HKDC1: variants seen among roughly 807,000 people sequenced by gnomAD.
HKDC1 encodes hexokinase domain containing 1.
HKDC1 carries 66 observed loss-of-function variants against 96.6 expected under a neutral mutation model. The observed-to-expected ratio is 0.68, with a 90% CI of 0.56 to 0.84. The LOEUF is 0.84. HKDC1 is among the 40% of genes least tolerant of loss of function. The probability of loss-of-function intolerance (pLI) is 0.00; values close to 1 mark genes in which losing one functional copy is unlikely to be tolerated. For synonymous variants in HKDC1, 466 were observed against 473.1 expected (o/e 0.98, Z 0.20); for missense variants, 1,211 against 1,208.1 (o/e 1.00, Z -0.04).
intron 4 of HKDC1, among the ~76,000 whole-genome samples, chr10:69,237,265 A>G (rs1202857667): frequency 1.4e-5 from 2 of 146,758 alleles, no homozygotes; most frequent in African/African-American, 2.5e-5. Context: ...TCTTAACCAA[A>G]GAGAAATTTC....
chr10:69,232,059 T>C (rs1030390044), intron 2 of HKDC1, among the ~76,000 whole-genome samples: 2 of 152,220 alleles, frequency 1.3e-5, no homozygotes, highest in Admixed American at 6.5e-5. Flanking sequence ...GCCAGGCTGT[T>C]CTTGAACTGC....
chr10:69,257,199 C>G, intron 13 of HKDC1, 68 bp downstream of exon 13: 1 of 1,478,058 alleles, frequency 6.8e-7, no homozygotes, highest in Non-Finnish European at 9.5e-7. Context: ...CTCTGCCATC[C>G]TCTGCCCAGT....
chr10:69,257,667 C>A (rs549439121), intron 14 of HKDC1, among the ~76,000 whole-genome samples: 2 of 149,348 alleles, frequency 1.3e-5, no homozygotes, highest in South Asian at 2.1e-4. Context: ...TAAATAAGGA[C>A]CTTGGGGCCA....
rs750651699 is a variant in HKDC1, at chr10:69,227,376, G to A, written c.226+7G>A. 1 of 1,614,096 alleles carries A rather than the reference G, an allele frequency of 6.2e-7. No homozygotes were observed. Among genetic ancestry groups the A allele is most frequent in the South Asian group, 1.1e-5 (1 of 91,084 alleles). On this transcript the variant is annotated splice_region_variant and intron_variant, in intron 2 of 17. Transcript: ENST00000354624. ...GCCATTCCCGATGGTTCCGGTGAGT[G>A]CAGTTGTCCGCTGCCAGGGTCCCTG...
rs541801620 is a variant in HKDC1, at chr10:69,267,079, C to T, written c.*322C>T. The T allele has an allele frequency of 2.5e-5, 6 of 235,628 alleles. No homozygotes were observed. The highest frequency in any genetic ancestry group is 4.6e-5 in the African/African-American group (2 of 43,796). The allele number at this position is 235,628 out of a possible 1,614,324, so 14.6% of individuals were successfully genotyped here. The stretch of plus-strand genomic sequence containing the variant: ...TCTATGGCTTTCAGTCTTGTGGCTG[C>T]GGGACTTGGAAATATATAGAATCTG... On this transcript the variant is annotated 3_prime_UTR_variant, in exon 18 of 18. Coordinates refer to ENST00000354624, the MANE Select transcript of HKDC1 (RefSeq NM_025130.4).
chr10:69,224,113 T>A (rs1843111939), intron 1 of HKDC1, among the ~76,000 whole-genome samples: 1 of 150,630 alleles, frequency 6.6e-6, no homozygotes, highest in African/African-American at 2.4e-5. Context: ...GAGGCTGAGG[T>A]GGCAGGATCA....
chr10:69,251,597 C>T (rs1183641321), intron 12 of HKDC1, among the ~76,000 whole-genome samples: 2 of 152,066 alleles, frequency 1.3e-5, no homozygotes, highest in Non-Finnish European at 2.9e-5. Context: ...TTAACAATAG[C>T]GAGTTCCAAT....
rs1843805294 is a variant in HKDC1 at position 69,261,258 on chromosome 10, G to A, written c.2336G>A (p.Gly779Asp). The A allele has an allele frequency of 6.2e-7, 1 of 1,614,000 alleles. No individual in the cohort carries two copies. The highest frequency in any genetic ancestry group is 8.5e-7 in the Non-Finnish European group (1 of 1,179,988). ...GQISERLRTR[G>D]IFETKFLSQI... The stretch of plus-strand genomic sequence containing the variant: ...ATTTCAGAGCGTCTCCGGACCAGGG[G>A]CATCTTCGAAACCAAGTTCCTGTCC... Residue 779 changes from glycine (G) to aspartate (D), a missense_variant, in exon 16 of 18, where the codon GGC becomes GAC. Coordinates refer to ENST00000354624, the MANE Select transcript of HKDC1 (RefSeq NM_025130.4).
chr10:69,261,664 C>T (rs1843812562), intron 16 of HKDC1: 1 of 182,104 alleles, frequency 5.5e-6, no homozygotes, highest in South Asian at 1.3e-4. Flanking sequence ...AATGATAAAC[C>T]TCAATCTCAC....
Position 69,247,497 on chromosome 10 carries a change from T to A in HKDC1, c.1169T>A (p.Leu390Gln), listed in dbSNP as rs1299963587. Residue 390 changes from leucine to glutamine, a missense_variant, in exon 9 of 18, where the codon CTG becomes CAG. Transcript: ENST00000354624. ...FRSANLCAAA[L>Q]AAILTRLREN... is the part of the protein sequence containing the mutation. ...TCGGCCAATCTCTGTGCAGCAGCTC[T>A]GGCGGCCATCCTGACACGCCTCCGG... 2 of 1,614,092 alleles carry A rather than the reference T, an allele frequency of 1.2e-6. No homozygotes were observed. The highest frequency in any genetic ancestry group is 3.3e-5 in the Admixed American group (2 of 60,008).
In HKDC1 at chr10:69,267,518, G is replaced by A. The variant is rs1332836820; in HGVS notation, c.*761G>A. ...AGGATTGTTAGGTATAGGAAATCCA[G>A]TAAATTAATAAAAAAATTTTGATTT... is the stretch of plus-strand genomic sequence containing the variant. On this transcript the variant is annotated 3_prime_UTR_variant, in exon 18 of 18. Coordinates refer to ENST00000354624, the MANE Select transcript of HKDC1 (RefSeq NM_025130.4). 4.4e-6 allele frequency: 2 copies of A among 451,254 alleles called. No individual in the cohort carries two copies. The highest frequency in any genetic ancestry group is 8.9e-6 in the Non-Finnish European group (2 of 225,812). 28.0% of individuals were successfully genotyped at this position (451,254 alleles called of 1,614,324 possible).
intron 12 of HKDC1, among the ~76,000 whole-genome samples, chr10:69,255,528 AC>A (rs1457933707): frequency 1.3e-5 from 2 of 151,846 alleles, no homozygotes; most frequent in African/African-American, 4.8e-5. Flanking sequence ...GCCTGCCTTC[AC>A]CCCCCTGGCT....
At chr10:69,263,284 A>T (rs1843838345) in intron 16 of HKDC1, among the ~76,000 whole-genome samples, 1 of 152,156 alleles carries the variant, frequency 6.6e-6, no homozygotes, top group Non-Finnish European at 1.5e-5. Context: ...TTTTTTATAG[A>T]GATGGAGTTT....
rs781046015 is a variant in HKDC1 at position 69,258,836 on chromosome 10, G to T, written c.2093G>T (p.Gly698Val). 7.4e-6 allele frequency: 12 copies of T among 1,613,960 alleles called. No homozygotes were observed. The highest frequency in any genetic ancestry group is 8.5e-6 in the Non-Finnish European group (10 of 1,179,996). ...AGGAACATCGAGATGGTGGAGGGGG[G>T]TGAAGGGAAGATGTGCATCAATACA... ...DMRNIEMVEG[G>V]EGKMCINTEW... The change falls in exon 15 of 18, where the codon GGT (glycine) becomes GTT (valine). Residue 698 changes from glycine (G) to valine (V), a missense_variant. Transcript: ENST00000354624.
intron 12 of HKDC1, among the ~76,000 whole-genome samples, chr10:69,254,342 T>C (rs1426352527): frequency 2.0e-5 from 3 of 152,222 alleles, no homozygotes; most frequent in Non-Finnish European, 4.4e-5. Context: ...CATTTTCTTA[T>C]TGTGGTAAAA....
At chr10:69,254,917 G>T (rs1843695901) in intron 12 of HKDC1, among the ~76,000 whole-genome samples, 1 of 152,226 alleles carries the variant, frequency 6.6e-6, no homozygotes, top group Admixed American at 6.5e-5. Context: ...AATGGCAGAG[G>T]TTACCTCTCA....
chr10:69,233,420 G>C (rs1488187832), intron 4 of HKDC1, among the ~76,000 whole-genome samples: 1 of 152,136 alleles, frequency 6.6e-6, no homozygotes, highest in Non-Finnish European at 1.5e-5. Flanking sequence ...AGCACAGATT[G>C]CTGGGCCTAC....
At chr10:69,246,783 G>T (rs1056915365) in intron 8 of HKDC1, among the ~76,000 whole-genome samples, 1 of 152,204 alleles carries the variant, frequency 6.6e-6, no homozygotes, top group Non-Finnish European at 1.5e-5. Flanking sequence ...GGCTGGCCCC[G>T]GTGTGACTGC....
At chr10:69,243,679 T>C (rs899834158) in intron 7 of HKDC1, among the ~76,000 whole-genome samples, 1 of 152,012 alleles carries the variant, frequency 6.6e-6, no homozygotes, top group Admixed American at 6.5e-5. Context: ...GTATTTTTTG[T>C]AGAGTCAGGG....
Sources: allele counts gnomAD v4.1 joint callset (sites outside exome capture counted in the v4.1 genomes callset), GRCh38; gene constraint gnomAD v4.1.1; transcripts MANE v1.5; gene names NCBI Gene and HGNC (gene_info 2026-07-23, HGNC 2026-07-21).